Variants in U2AF2 observed in about 807,000 individuals in gnomAD.
U2AF2 encodes splicing factor U2AF 65 kDa subunit.
A neutral mutation model predicts 52.6 loss-of-function variants in U2AF2; 6 were observed. The ratio of observed to expected loss-of-function variants is 0.11; its 90% CI spans 0.06 to 0.23. The LOEUF is 0.23. Among genes scored for constraint, U2AF2 ranks in the 10% least tolerant of loss-of-function variants. The pLI, the probability that U2AF2 is intolerant of heterozygous loss-of-function variation, is 1.00. For missense variants in U2AF2, 222 were observed against 677.1 expected, an observed-to-expected ratio of 0.33 and a Z score of 7.46; for synonymous variants, 284 against 258.2, an observed-to-expected ratio of 1.10 and a Z score of -0.96.
At chr19:55,657,806 T>C (rs1983890912) in intron 1 of U2AF2, among the ~76,000 whole-genome samples, 1 of 152,232 alleles carries the variant, frequency 6.6e-6, no homozygotes. Flanking sequence ...AGTGTTTAAA[T>C]TCTGGTGTCA....
chr19:55,662,255 G>C (rs1036310513), intron 5 of U2AF2: 1 of 399,572 alleles, frequency 2.5e-6, no homozygotes, highest in Non-Finnish European at 4.5e-6. Context: ...GTCCCCCAAC[G>C]CCTGTCCATC....
chr19:55,674,277 GCACACAGCC>G lies in U2AF2; in HGVS notation c.*217_*225del, dbSNP rs1291910171. 3 of 544,586 alleles carry G rather than the reference GCACACAGCC, an allele frequency of 5.5e-6. No individual in the cohort carries two copies. The highest frequency in any genetic ancestry group is 9.8e-6 in the Non-Finnish European group (3 of 307,434). The allele number at this position is 544,586 out of a possible 1,614,324, so 33.7% of individuals were successfully genotyped here. A position where few individuals can be genotyped will look rare whatever the true frequency, so the allele number is the denominator to read the frequency against. On this transcript the variant is annotated 3_prime_UTR_variant, in exon 12 of 12. Coordinates refer to ENST00000308924, the MANE Select transcript of U2AF2 (RefSeq NM_007279.3). ...GGCAGGGAGGGGACTGGGGAAGTGC[GCACACAGCC>G]CACACAGACAACACGCACCCACACA...
chr19:55,672,729 A>ATT (rs74179629), intron 11 of U2AF2, among the ~76,000 whole-genome samples: 1,634 of 141,258 alleles, frequency 0.012, 37 homozygotes, highest in African/African-American at 0.038. Flanking sequence ...TATCTCAAGA[A>ATT]TTTTTTTTTT....
intron 11 of U2AF2, among the ~76,000 whole-genome samples, chr19:55,671,103 A>G (rs1045746469): frequency 6.6e-6 from 1 of 152,062 alleles, no homozygotes; most frequent in African/African-American, 2.4e-5. Context: ...AGGAGAAAAC[A>G]GGACTGTGGT....
At chr19:55,665,214 C>T (rs1000064367) in intron 7 of U2AF2, among the ~76,000 whole-genome samples, 6 of 152,312 alleles carry the variant, frequency 3.9e-5, no homozygotes, top group Middle Eastern at 6.8e-3. Context: ...ATGAGTGGCC[C>T]GCCACTTGCT....
intron 1 of U2AF2, among the ~76,000 whole-genome samples, chr19:55,655,806 T>G (rs948919768): frequency 1.3e-5 from 2 of 152,242 alleles, no homozygotes; most frequent in African/African-American, 4.8e-5. Flanking sequence ...GTTTGGCACA[T>G]GTTGCCTAAA....
intron 1 of U2AF2, among the ~76,000 whole-genome samples, chr19:55,658,146 G>A (rs1031984429): frequency 1.3e-5 from 2 of 152,124 alleles, no homozygotes; most frequent in African/African-American, 2.4e-5. Context: ...TCCTCCTCTT[G>A]TCCCCAGGGA....
intron 5 of U2AF2, among the ~76,000 whole-genome samples, chr19:55,661,495 C>T (rs1032498965): frequency 8.4e-5 from 9 of 107,218 alleles, no homozygotes; most frequent in Non-Finnish European, 1.6e-4. Flanking sequence ...GAGAGGGAGA[C>T]TTGGACACAC....
At chr19:55,657,837 C>G (rs1449118289) in intron 1 of U2AF2, among the ~76,000 whole-genome samples, 5 of 152,304 alleles carry the variant, frequency 3.3e-5, no homozygotes, top group South Asian at 4.1e-4. Flanking sequence ...GCTGTTTGAC[C>G]TTGGTAATTG....
chr19:55,664,784 C>T (rs969736535), intron 7 of U2AF2, among the ~76,000 whole-genome samples: 2 of 152,168 alleles, frequency 1.3e-5, no homozygotes, highest in African/African-American at 2.4e-5. Context: ...GTGGCACGAT[C>T]TCGGCTTACT....
At chr19:55,661,356 T>C (rs1984178197) in intron 5 of U2AF2, 167 bp downstream of exon 5, 1 of 696,276 alleles carries the variant, frequency 1.4e-6, no homozygotes, top group Non-Finnish European at 2.1e-6. Context: ...GGGGCCGGGC[T>C]GGGGGTGGCC....
In U2AF2 at chr19:55,674,173, C is replaced by A; in HGVS notation, c.*105C>A. 1 of 1,127,750 alleles carries A rather than the reference C, an allele frequency of 8.9e-7. No homozygotes were observed. Among genetic ancestry groups the A allele is most frequent in the Non-Finnish European group, 1.1e-6 (1 of 873,790 alleles). 69.9% of individuals were successfully genotyped at this position (1,127,750 alleles called of 1,614,324 possible). ...ACGATGGGCAGAGGAGTGACAGCCG[C>A]AGACACACGACAGCCGGCAGCAACT... On this transcript the variant is annotated 3_prime_UTR_variant, in exon 12 of 12. Coordinates refer to ENST00000308924, the MANE Select transcript of U2AF2 (RefSeq NM_007279.3).
chr19:55,672,332 C>T (rs1984973790), intron 11 of U2AF2, among the ~76,000 whole-genome samples: 1 of 152,082 alleles, frequency 6.6e-6, no homozygotes, highest in African/African-American at 2.4e-5. Context: ...CAGCTTATTT[C>T]TCCCCCCTCC....
chr19:55,655,378 G>C (rs965198666), intron 1 of U2AF2, among the ~76,000 whole-genome samples: 1 of 152,154 alleles, frequency 6.6e-6, no homozygotes, highest in Admixed American at 6.5e-5. Flanking sequence ...GCATGCGCAC[G>C]GCGGCTGTCC....
At chr19:55,672,242 A>G (rs1479569476) in intron 11 of U2AF2, among the ~76,000 whole-genome samples, 2 of 152,094 alleles carry the variant, frequency 1.3e-5, no homozygotes, top group African/African-American at 4.8e-5. Flanking sequence ...CGTTTTTATC[A>G]TAGTATATGT....
intron 11 of U2AF2, 106 bp downstream of exon 11, chr19:55,669,798 C>T (rs891062360): frequency 2.0e-4 from 289 of 1,432,298 alleles, no homozygotes; most frequent in Middle Eastern, 2.6e-4. Context: ...TCCTCTTCTC[C>T]GCGCGCTCTT....
chr19:55,668,978 C>T lies in U2AF2; in HGVS notation c.946-105C>T, dbSNP rs1436597923. Reference sequence around the variant, plus strand: ...CCAGGCTCTTAATCCCCTTTGCCTTCCCCTCTTCCCCCACCAATGCCCCGG... The same window carrying T: ...CCAGGCTCTTAATCCCCTTTGCCTTTCCCTCTTCCCCCACCAATGCCCCGG... On this transcript the variant is annotated intron_variant, in intron 9 of 11. Transcript: ENST00000308924. This position sits in a 1 kb window ranked among gnomAD's most constrained non-coding sequence, Gnocchi z 5.5. 2.0e-6 allele frequency: 3 copies of T among 1,484,742 alleles called. No individual in the cohort carries two copies. Among genetic ancestry groups the T allele is most frequent in the Admixed American group, 4.0e-5 (2 of 50,506 alleles). The allele number at this position is 1,484,742 out of a possible 1,614,324, so 92.0% of individuals were successfully genotyped here.
chr19:55,655,079 A>G lies in U2AF2; in HGVS notation c.-26A>G, dbSNP rs377568330. On this transcript the variant is annotated 5_prime_UTR_variant, in exon 1 of 12. Transcript: ENST00000308924. ...GGCGGCAAGGCGAGGCGAAAGCTGC[A>G]CAGGGCCCTACGCGGCCGCCTCAGC... is the stretch of plus-strand genomic sequence containing the variant. 1.1e-5 allele frequency: 17 copies of G among 1,606,408 alleles called. No homozygotes were observed. The highest frequency in any genetic ancestry group is 8.8e-5 in the South Asian group (8 of 90,728).
intron 11 of U2AF2, among the ~76,000 whole-genome samples, chr19:55,673,115 C>T (rs1023564550): frequency 1.5e-4 from 22 of 151,344 alleles, no homozygotes; most frequent in Admixed American, 4.6e-4. Flanking sequence ...GATGGGGTTT[C>T]GCTATGTTGG....
Sources: allele counts gnomAD v4.1 joint callset (sites outside exome capture counted in the v4.1 genomes callset), GRCh38; gene constraint gnomAD v4.1.1; non-coding constraint Gnocchi (gnomAD v3.1); transcripts MANE v1.5; gene names NCBI Gene and HGNC (gene_info 2026-07-23, HGNC 2026-07-21).